FRMD3: variants seen among roughly 807,000 people sequenced by gnomAD.
FRMD3 encodes the protein FERM domain-containing protein 3.
In FRMD3, 33 loss-of-function variants were observed where a neutral mutation model predicts 70.2. The observed-to-expected ratio is 0.47, with a 90% CI of 0.36 to 0.63. The LOEUF is 0.63. FRMD3 is among the 20% of genes least tolerant of loss of function. The probability of loss-of-function intolerance (pLI) is 0.00; values close to 1 mark genes in which losing one functional copy is unlikely to be tolerated. For missense variants in FRMD3, 632 were observed against 711.4 expected, an observed-to-expected ratio of 0.89 and a Z score of 1.27; for synonymous variants, 279 against 255.9, an observed-to-expected ratio of 1.09 and a Z score of -0.86.
intron 1 of FRMD3, among the ~76,000 whole-genome samples, chr9:83,426,684 G>A (rs78699537): frequency 0.016 from 2,509 of 152,316 alleles, 37 homozygotes; most frequent in Non-Finnish European, 0.027. Context: ...GGTGTGAGAG[G>A]GATGGTTGCA....
At chr9:83,243,673 C>T (rs1233795451), downstream of FRMD3, among the ~76,000 whole-genome samples, 3 of 152,148 alleles carry the variant, frequency 2.0e-5, no homozygotes, top group Non-Finnish European at 2.9e-5. Context: ...AATTCCTTTT[C>T]TTGCCTGTAG....
chr9:83,392,530 G>A (rs1825694618), intron 1 of FRMD3, among the ~76,000 whole-genome samples: 1 of 152,126 alleles, frequency 6.6e-6, no homozygotes, highest in Admixed American at 6.5e-5. Context: ...GTTATGACCT[G>A]AACCTTCCAC....
At chr9:83,395,363 T>C (rs1024026106) in intron 1 of FRMD3, among the ~76,000 whole-genome samples, 1 of 152,036 alleles carries the variant, frequency 6.6e-6, no homozygotes, top group Admixed American at 6.6e-5. Flanking sequence ...CATGGGTACA[T>C]GTGCAGGTTC....
chr9:83,556,227 T>C, the FRMD3 span, among the ~76,000 whole-genome samples: 3 of 152,226 alleles, frequency 2.0e-5, no homozygotes, highest in Non-Finnish European at 4.4e-5. Context: ...AAAAATGGTT[T>C]ATTAAAACAT....
At chr9:83,584,591 T>C in the FRMD3 span, among the ~76,000 whole-genome samples, 1 of 152,240 alleles carries the variant, frequency 6.6e-6, no homozygotes, top group African/African-American at 2.4e-5. Flanking sequence ...AACTTTGTCA[T>C]GGACAGAAAG....
At chr9:83,540,341 T>C (rs1829985580), upstream of FRMD3, among the ~76,000 whole-genome samples, 2 of 152,186 alleles carry the variant, frequency 1.3e-5, no homozygotes, top group South Asian at 2.1e-4. Flanking sequence ...AAAAGAGTCA[T>C]ATCAATACCC....
At chr9:83,361,757 T>C (rs747963162) in intron 3 of FRMD3, among the ~76,000 whole-genome samples, 35 of 152,184 alleles carry the variant, frequency 2.3e-4, no homozygotes, top group Middle Eastern at 3.4e-3. Flanking sequence ...GATATCTTTA[T>C]AAGAGAAAGG....
chr9:83,249,644 A>T (rs2099310588), intron 13 of FRMD3, among the ~76,000 whole-genome samples: 1 of 152,232 alleles, frequency 6.6e-6, no homozygotes, highest in Admixed American at 6.5e-5. Flanking sequence ...TCCAAATGAA[A>T]AATACCATAA....
chr9:83,491,418 C>T (rs1378301515), intron 1 of FRMD3, among the ~76,000 whole-genome samples: 2 of 152,196 alleles, frequency 1.3e-5, no homozygotes, highest in African/African-American at 4.8e-5. Context: ...ACACAGAGCA[C>T]ACTGGAGAGC....
intron 1 of FRMD3, among the ~76,000 whole-genome samples, chr9:83,532,362 C>G (rs917143830): frequency 1.3e-5 from 2 of 152,088 alleles, no homozygotes; most frequent in African/African-American, 4.8e-5. Flanking sequence ...GAACAAGATG[C>G]CTTTTAGCTG....
At chr9:83,325,365 C>T (rs1490159328) in intron 6 of FRMD3, among the ~76,000 whole-genome samples, 2 of 152,084 alleles carry the variant, frequency 1.3e-5, no homozygotes, top group African/African-American at 4.8e-5. Context: ...CTCACTCTAT[C>T]GCCCAGGCTG....
At chr9:83,572,571 G>A in the FRMD3 span, among the ~76,000 whole-genome samples, 11 of 152,174 alleles carry the variant, frequency 7.2e-5, no homozygotes, top group Non-Finnish European at 8.8e-5. Flanking sequence ...GCAAAGAATC[G>A]CCTAAGAGAA....
At chr9:83,433,109 T>G (rs1228809360) in intron 1 of FRMD3, among the ~76,000 whole-genome samples, 1 of 152,234 alleles carries the variant, frequency 6.6e-6, no homozygotes, top group Non-Finnish European at 1.5e-5. Flanking sequence ...GGTGTATATA[T>G]ACCACATTTT....
intron 13 of FRMD3, among the ~76,000 whole-genome samples, chr9:83,274,478 G>A (rs1381742985): frequency 6.6e-6 from 1 of 152,162 alleles, no homozygotes; most frequent in African/African-American, 2.4e-5. Context: ...TCATAGAGGA[G>A]GAGCCACTTG....
intron 13 of FRMD3, among the ~76,000 whole-genome samples, chr9:83,283,551 ATAATAAT>A (rs1834066832): frequency 3.7e-5 from 2 of 54,102 alleles, no homozygotes; most frequent in African/African-American, 6.3e-5. Context: ...AAAAAAAATA[ATAATAAT>A]AATAATAATA....
At chr9:83,335,468 A>C in intron 6 of FRMD3, 48 bp downstream of exon 6, 1 of 1,532,786 alleles carries the variant, frequency 6.5e-7, no homozygotes, top group Non-Finnish European at 9.0e-7. Flanking sequence ...TGCAGTAAGA[A>C]TATTTTCTCC....
chr9:83,414,806 G>C (rs1361402940), intron 1 of FRMD3, among the ~76,000 whole-genome samples: 1 of 152,172 alleles, frequency 6.6e-6, no homozygotes, highest in Non-Finnish European at 1.5e-5. Context: ...CTCCTGATTT[G>C]TTTAATGGTT....
chr9:83,429,905 C>T lies in FRMD3; in HGVS notation c.148-40197G>A, dbSNP rs11140085. Among the ~76,000 whole-genome samples, 105 of 152,138 alleles carry T rather than the reference C, an allele frequency of 6.9e-4. 2 individuals carry two copies. The South Asian group carries it at 0.021, about 30-fold the overall frequency. On this transcript the variant is annotated intron_variant, in intron 1 of 13. Transcript: ENST00000304195. ...CTCAATATCCAGACTTAACCCTTCACGCATAAGTCAGCAGGTCCCAAGCCA... is the reference window on the plus strand; with the variant it reads ...CTCAATATCCAGACTTAACCCTTCATGCATAAGTCAGCAGGTCCCAAGCCA...
chr9:83,536,930 T>TAAAAAAAAAAACAAAAA (rs1829905510), intron 1 of FRMD3, among the ~76,000 whole-genome samples: 1 of 60,894 alleles, frequency 1.6e-5, no homozygotes, highest in African/African-American at 6.1e-5. Flanking sequence ...TGTATTACAC[T>TAAAAAAAAAAACAAAAA]AAAAAAAAAA....
Sources: allele counts gnomAD v4.1 joint callset (sites outside exome capture counted in the v4.1 genomes callset), GRCh38; gene constraint gnomAD v4.1.1; transcripts MANE v1.5; gene names NCBI Gene and HGNC (gene_info 2026-07-23, HGNC 2026-07-21).